PREX2: variants seen among roughly 807,000 people sequenced by gnomAD.
PREX2 encodes the protein phosphatidylinositol-3,4,5-trisphosphate dependent Rac exchange factor 2, also known as phosphatidylinositol 3,4,5-trisphosphate-dependent Rac exchanger 2 protein.
A neutral mutation model predicts 203.2 loss-of-function variants in PREX2; 107 were observed. The observed-to-expected ratio is 0.53, with a 90% CI of 0.45 to 0.62. PREX2 has a LOEUF of 0.62. PREX2 is among the 20% of genes least tolerant of loss of function. The pLI is 0.00. For missense variants in PREX2, 1,777 were observed against 1,955.9 expected, an observed-to-expected ratio of 0.91 and a Z score of 1.72; for synonymous variants, 672 against 663.6, an observed-to-expected ratio of 1.01 and a Z score of -0.19.
Position 68,118,539 on chromosome 8 carries a change from G to A in PREX2, c.3327-11G>A, listed in dbSNP as rs764607028. On this transcript the variant is annotated splice_polypyrimidine_tract_variant and intron_variant, in intron 26 of 39. Coordinates refer to ENST00000288368, the MANE Select transcript of PREX2 (RefSeq NM_024870.4). Reference sequence around the variant, plus strand: ...GCACTCTTACAGTAACATGAAACCTGTTGTTTTCAGTGACTGCAACAGCAA... The same window carrying A: ...GCACTCTTACAGTAACATGAAACCTATTGTTTTCAGTGACTGCAACAGCAA... The A allele has an allele frequency of 1.2e-6, 2 of 1,600,822 alleles. No individual in the cohort carries two copies. The highest frequency in any genetic ancestry group is 1.7e-6 in the Non-Finnish European group (2 of 1,167,970).
At position 68,109,608 on chromosome 8, in the gene PREX2, T is replaced by A. The variant is rs1328974208; in HGVS notation, c.3131T>A (p.Val1044Asp). 1.9e-6 allele frequency: 3 copies of A among 1,613,822 alleles called. No individual in the cohort carries two copies. The South Asian group carries it at 3.3e-5, about 18-fold the overall frequency. The change falls in exon 25 of 40, where the codon GTT (valine) becomes GAT (aspartate). Residue 1044 changes from valine (V) to aspartate (D), a missense_variant. Val to Asp is a radical substitution (Grantham distance 152). Coordinates refer to ENST00000288368, the MANE Select transcript of PREX2 (RefSeq NM_024870.4). The part of the protein sequence containing the change: ...QTALKEVEMC[V>D]CQIDDLLSSI... ...GCACTGAAAGAGGTGGAGATGTGTGTTTGTCAAATAGATGAGTAAGTGTTT... is the reference window on the plus strand; with the variant it reads ...GCACTGAAAGAGGTGGAGATGTGTGATTGTCAAATAGATGAGTAAGTGTTT...
chr8:67,984,143 A>T (rs1364544120), intron 1 of PREX2, among the ~76,000 whole-genome samples: 1 of 152,058 alleles, frequency 6.6e-6, no homozygotes, highest in Non-Finnish European at 1.5e-5. Flanking sequence ...TTTCCACATC[A>T]CCCTTTCCAC....
chr8:68,096,848 G>A (rs1178906048), intron 21 of PREX2, among the ~76,000 whole-genome samples, 169 bp from the exon 22 acceptor site: 5 of 152,078 alleles, frequency 3.3e-5, no homozygotes, highest in Non-Finnish European at 5.9e-5. Flanking sequence ...TGCTTTTCTC[G>A]AAATGTTATT....
intron 26 of PREX2, among the ~76,000 whole-genome samples, chr8:68,116,646 A>G (rs1161094124): frequency 6.6e-6 from 1 of 152,116 alleles, no homozygotes; most frequent in East Asian, 1.9e-4. Context: ...TCTTCCCTCC[A>G]TATGTGTCTT....
At chr8:68,126,610 G>A (rs1223912563) in intron 30 of PREX2, among the ~76,000 whole-genome samples, 1 of 152,004 alleles carries the variant, frequency 6.6e-6, no homozygotes, top group African/African-American at 2.4e-5. Context: ...ACTCTACTGT[G>A]AATCTGTCTA....
chr8:68,223,122 C>T (rs563596176), intron 38 of PREX2, among the ~76,000 whole-genome samples: 14 of 152,078 alleles, frequency 9.2e-5, no homozygotes, highest in South Asian at 2.1e-4. Context: ...GAACAAGATG[C>T]GCAGTTTAGT....
chr8:67,952,814 C>G, intron 1 of PREX2: 1 of 532,356 alleles, frequency 1.9e-6, no homozygotes, highest in East Asian at 3.6e-5. Context: ...CCAGGGAATC[C>G]CGGCTGCCCT....
At chr8:68,089,313 C>T (rs1809796044) in intron 19 of PREX2, among the ~76,000 whole-genome samples, 9 of 152,148 alleles carry the variant, frequency 5.9e-5, no homozygotes, top group Admixed American at 5.2e-4. Flanking sequence ...TGTCCTTGAT[C>T]AGTTTTTTTT....
intron 8 of PREX2, among the ~76,000 whole-genome samples, chr8:68,050,544 C>G: frequency 6.6e-6 from 1 of 152,198 alleles, no homozygotes; most frequent in East Asian, 1.9e-4. Context: ...CAGGCTCCAC[C>G]TCCAACTTTG....
chr8:68,064,539 G>GT (rs71554620), intron 11 of PREX2, among the ~76,000 whole-genome samples: 208 of 149,458 alleles, frequency 1.4e-3, no homozygotes, highest in African/African-American at 4.1e-3. Context: ...CAGCTAATTT[G>GT]TTTTTTTTTT....
At chr8:67,977,420 AATT>A (rs1806140942) in intron 1 of PREX2, among the ~76,000 whole-genome samples, 1 of 152,208 alleles carries the variant, frequency 6.6e-6, no homozygotes, top group Admixed American at 6.5e-5. Flanking sequence ...AACATGTGTA[AATT>A]ATTAATAAAT....
intron 37 of PREX2, among the ~76,000 whole-genome samples, chr8:68,200,608 CTT>C (rs66865090): frequency 0.13 from 19,862 of 147,526 alleles, 1,941 homozygotes; most frequent in South Asian, 0.38. Context: ...ATCATTGTCT[CTT>C]TTTTTTTTGC....
rs770609231 is a variant in PREX2 at position 68,108,167 on chromosome 8, T to C, written c.2774T>C (p.Ile925Thr). The C allele has an allele frequency of 1.2e-6, 2 of 1,613,914 alleles. No individual in the cohort carries two copies. The highest frequency in any genetic ancestry group is 1.7e-6 in the Non-Finnish European group (2 of 1,179,888). ...WPTFKQAKSK[I>T]SPLHSSDFCP... ...ACTTTTAAACAGGCCAAATCTAAAATCTCCCCACTGCACAGCAGTGATTTC... is the reference window on the plus strand; with the variant it reads ...ACTTTTAAACAGGCCAAATCTAAAACCTCCCCACTGCACAGCAGTGATTTC... The change falls in exon 24 of 40, where the codon ATC becomes ACC. Residue 925 changes from isoleucine (I) to threonine (T), a missense_variant. By Grantham distance (89) the Ile-to-Thr change is moderately conservative. Coordinates refer to ENST00000288368, the MANE Select transcript of PREX2 (RefSeq NM_024870.4).
chr8:68,186,065 T>TAC (rs1812182929), intron 35 of PREX2, among the ~76,000 whole-genome samples: 1 of 151,982 alleles, frequency 6.6e-6, no homozygotes, highest in African/African-American at 2.4e-5. Flanking sequence ...TGTCCACAGT[T>TAC]TGTCAAATTC....
intron 15 of PREX2, among the ~76,000 whole-genome samples, chr8:68,078,645 C>T (rs917602946): frequency 6.6e-6 from 1 of 152,090 alleles, no homozygotes; most frequent in Non-Finnish European, 1.5e-5. Flanking sequence ...ATCCTGTTTC[C>T]CTATCTCCAG....
At position 68,109,405 on chromosome 8, in the gene PREX2, TA is replaced by T. The variant is rs1261061199; in HGVS notation, c.2939-9del. 4 of 1,606,518 alleles carry T rather than the reference TA, an allele frequency of 2.5e-6. No homozygotes were observed. Among genetic ancestry groups the T allele is most frequent in the Non-Finnish European group, 3.4e-6 (4 of 1,176,096 alleles). ...GATACATATTACTAAGGAATGACTT[TA>T]ATTCCTCAGGGAAACTGAGCCCTAT... On this transcript the variant is annotated splice_polypyrimidine_tract_variant and intron_variant, in intron 24 of 39. Coordinates refer to ENST00000288368, the MANE Select transcript of PREX2 (RefSeq NM_024870.4).
intron 3 of PREX2, 80 bp from the exon 4 acceptor site, chr8:68,021,956 G>T (rs1807580696): frequency 1.4e-6 from 1 of 721,642 alleles, no homozygotes; most frequent in Admixed American, 2.0e-5. Context: ...ACTCAGTGAA[G>T]TTTCTTTAAG....
chr8:68,047,488 T>TATATATATATACAC (rs1274949562), intron 8 of PREX2, among the ~76,000 whole-genome samples: 1 of 110,392 alleles, frequency 9.1e-6, no homozygotes, highest in African/African-American at 5.1e-5. Flanking sequence ...TATATATATA[T>TATATATATATACAC]ATATATATAT....
chr8:68,119,526 C>T lies in PREX2; in HGVS notation c.3504+12C>T, dbSNP rs758718752. ...ATCTTTTCAGCCAGGTACAATCGGGCATTTGTGGGGCTTTTGTTCCACAAC... is the reference window on the plus strand; with the variant it reads ...ATCTTTTCAGCCAGGTACAATCGGGTATTTGTGGGGCTTTTGTTCCACAAC... On this transcript the variant is annotated intron_variant, in intron 28 of 39. Coordinates refer to ENST00000288368, the MANE Select transcript of PREX2 (RefSeq NM_024870.4). 4.4e-6 allele frequency: 7 copies of T among 1,597,302 alleles called. No homozygotes were observed. In the African/African-American group the frequency reaches 5.4e-5, roughly 12 times the overall value.
Sources: gnomAD v4.1 joint callset for allele counts (sites outside exome capture counted in the v4.1 genomes callset) on GRCh38, gnomAD v4.1.1 for gene constraint, MANE v1.5 for transcripts, NCBI Gene and HGNC (gene_info 2026-07-23, HGNC 2026-07-21) for gene names.